Variants in SLCO3A1 observed in about 807,000 individuals in gnomAD.
SLCO3A1 encodes the protein PGE1 transporter.
SLCO3A1 carries 27 observed loss-of-function variants against 63.1 expected under a neutral mutation model. That is an observed-to-expected ratio of 0.43 (90% CI 0.32 to 0.59). The LOEUF (loss-of-function observed/expected upper bound fraction) is 0.59, where lower values mean the gene tolerates loss of function less well. Ranked by LOEUF, SLCO3A1 falls within the 20% of genes least tolerant of loss-of-function variation. The pLI is 0.09. For missense variants in SLCO3A1, 773 were observed against 945.8 expected, an observed-to-expected ratio of 0.82 and a Z score of 2.40; for synonymous variants, 473 against 409.9, an observed-to-expected ratio of 1.15 and a Z score of -1.86.
chr15:91,951,128 T>C (rs1899982501), intron 2 of SLCO3A1, among the ~76,000 whole-genome samples: 1 of 152,148 alleles, frequency 6.6e-6, no homozygotes, highest in South Asian at 2.1e-4. Context: ...TCCTGTGGTT[T>C]TTAGTATATT....
chr15:91,920,890 G>A (rs1047071534), intron 2 of SLCO3A1, among the ~76,000 whole-genome samples: 4 of 152,068 alleles, frequency 2.6e-5, no homozygotes, highest in Non-Finnish European at 4.4e-5. Context: ...TTAGCTCTTC[G>A]GAGCTAAGAC....
rs1385743067 is a variant in SLCO3A1, at chr15:92,016,728, A to G, written c.647-78153A>G. 4.6e-5 allele frequency among the ~76,000 whole-genome samples: 7 copies of G among 152,218 alleles called. No individual in the cohort carries two copies. The South Asian group carries it at 8.3e-4, about 18-fold the overall frequency. ...AGCAAGGATGGATGGGACATGAGGA[A>G]GAAGACCACAAAGACAGGGGGAGTG... is the stretch of plus-strand genomic sequence containing the variant. On this transcript the variant is annotated intron_variant, in intron 2 of 9. Coordinates refer to ENST00000318445, the MANE Select transcript of SLCO3A1 (RefSeq NM_013272.4).
intron 2 of SLCO3A1, among the ~76,000 whole-genome samples, chr15:92,070,416 G>A (rs148191720): frequency 8.5e-4 from 130 of 152,316 alleles, no homozygotes; most frequent in Non-Finnish European, 1.5e-3. Context: ...GCCAAGGTGG[G>A]CAGATCACCT....
In SLCO3A1 at chr15:91,853,876, AGCGGCGGCGGCG is replaced by A. The variant is rs368016879; in HGVS notation, c.-19_-8del. 3,210 of 1,294,742 alleles carry A rather than the reference AGCGGCGGCGGCG, an allele frequency of 2.5e-3. 151 individuals carry two copies. The East Asian group carries it at 0.088, about 36-fold the overall frequency. The allele number at this position is 1,294,742 out of a possible 1,614,324, so 80.2% of individuals were successfully genotyped here. A position where few individuals can be genotyped will look rare whatever the true frequency, so the allele number is the denominator to read the frequency against. On this transcript the variant is annotated 5_prime_UTR_variant, in exon 1 of 10. Coordinates refer to ENST00000318445, the MANE Select transcript of SLCO3A1 (RefSeq NM_013272.4). Reference sequence around the variant, plus strand: ...CACCCGGGGCGAGCGGGAAAGCGGCAGCGGCGGCGGCGGCGGCGGCGGCGGGGGAAGGATGCA... The same window carrying A: ...CACCCGGGGCGAGCGGGAAAGCGGCAGCGGCGGCGGCGGGGGAAGGATGCA...
chr15:91,904,675 G>A (rs1348801894), intron 1 of SLCO3A1, among the ~76,000 whole-genome samples: 4 of 152,144 alleles, frequency 2.6e-5, no homozygotes, highest in East Asian at 1.9e-4. Context: ...CTTATGGTTC[G>A]TGGTTGTTTT....
At chr15:92,124,231 T>A (rs999694060) in intron 5 of SLCO3A1, among the ~76,000 whole-genome samples, 3 of 152,094 alleles carry the variant, frequency 2.0e-5, no homozygotes, top group Admixed American at 1.3e-4. Context: ...TGAGTGAAGA[T>A]AAAAAGGACT....
At chr15:92,060,549 G>A (rs1382082569) in intron 2 of SLCO3A1, among the ~76,000 whole-genome samples, 1 of 151,940 alleles carries the variant, frequency 6.6e-6, no homozygotes, top group Non-Finnish European at 1.5e-5. Flanking sequence ...ACCCAGGCTG[G>A]AGTGCAGTGG....
At position 92,052,981 on chromosome 15, in the gene SLCO3A1, G is replaced by A. The variant is rs112669865; in HGVS notation, c.647-41900G>A. On this transcript the variant is annotated intron_variant, in intron 2 of 9. Coordinates refer to ENST00000318445, the MANE Select transcript of SLCO3A1 (RefSeq NM_013272.4). Reference sequence around the variant, plus strand: ...AGGTGACCCACATTATACTTTTGCTGGACAGTGCGGCTCTAGAACTTTCCA... The same window carrying A: ...AGGTGACCCACATTATACTTTTGCTAGACAGTGCGGCTCTAGAACTTTCCA... 4.5e-3 allele frequency among the ~76,000 whole-genome samples: 692 copies of A among 152,206 alleles called. 5 individuals carry two copies. The highest frequency in any genetic ancestry group is 0.016 in the African/African-American group (650 of 41,516).
intron 2 of SLCO3A1, among the ~76,000 whole-genome samples, chr15:92,032,094 T>C (rs1033964878): frequency 1.3e-5 from 2 of 152,226 alleles, no homozygotes; most frequent in African/African-American, 4.8e-5. Flanking sequence ...CCCTCATTCT[T>C]GGACCACTGT....
chr15:92,147,616 C>T (rs2048245371), intron 8 of SLCO3A1, among the ~76,000 whole-genome samples: 1 of 152,190 alleles, frequency 6.6e-6, no homozygotes, highest in South Asian at 2.1e-4. Context: ...GCAGGACCCA[C>T]TGAGACCATG....
chr15:92,007,751 G>A (rs1056422390), intron 2 of SLCO3A1, among the ~76,000 whole-genome samples: 1 of 152,014 alleles, frequency 6.6e-6, no homozygotes, highest in African/African-American at 2.4e-5. Context: ...GTAAGTTTTG[G>A]GGCATCATGC....
chr15:92,049,263 C>T (rs909433525), intron 2 of SLCO3A1, among the ~76,000 whole-genome samples: 3 of 152,188 alleles, frequency 2.0e-5, no homozygotes, highest in Non-Finnish European at 4.4e-5. Flanking sequence ...GCCCCAGCCC[C>T]CAACCTTATT....
chr15:91,866,302 G>A (rs577935580), intron 1 of SLCO3A1, among the ~76,000 whole-genome samples: 17 of 152,318 alleles, frequency 1.1e-4, no homozygotes, highest in Non-Finnish European at 2.2e-4. Context: ...ACTCATCCAT[G>A]TTCCCATCCC....
chr15:92,015,425 A>T (rs948269110), intron 2 of SLCO3A1, among the ~76,000 whole-genome samples: 2 of 152,052 alleles, frequency 1.3e-5, no homozygotes, highest in African/African-American at 4.8e-5. Flanking sequence ...GCCCAGGGGG[A>T]ACTGCCACTT....
At chr15:92,136,259 A>G (rs746994921) in intron 7 of SLCO3A1, among the ~76,000 whole-genome samples, 1 of 152,244 alleles carries the variant, frequency 6.6e-6, no homozygotes, top group Non-Finnish European at 1.5e-5. Flanking sequence ...CAATCCTCTT[A>G]GAAAAATAAT....
intron 3 of SLCO3A1, chr15:92,098,324 G>T (rs960146957): frequency 2.0e-5 from 3 of 152,338 alleles, no homozygotes; most frequent in African/African-American, 4.8e-5. Context: ...GGTCCCAGCT[G>T]GCTCCACTTG....
rs147931127 is a variant in SLCO3A1, at chr15:91,944,731, C to T, written c.646+28273C>T. Among the ~76,000 whole-genome samples the T allele has an allele frequency of 1.7e-3, 256 of 151,988 alleles. 5 individuals carry two copies. The East Asian group carries it at 0.043, about 26-fold the overall frequency. On this transcript the variant is annotated intron_variant, in intron 2 of 9. Transcript: ENST00000318445. ...GAGTTCTGAACATCTGAGTCTTTCA[C>T]GAAGGAATGTGGAGAAATCGAGGGG...
chr15:92,079,819 C>T (rs1455005290), intron 2 of SLCO3A1, among the ~76,000 whole-genome samples: 2 of 152,262 alleles, frequency 1.3e-5, no homozygotes, highest in South Asian at 4.1e-4. Flanking sequence ...CTGAACTAGA[C>T]ACAAGGTCCT....
At chr15:92,088,236 C>T (rs978394924) in intron 2 of SLCO3A1, among the ~76,000 whole-genome samples, 1 of 152,190 alleles carries the variant, frequency 6.6e-6, no homozygotes, top group African/African-American at 2.4e-5. Context: ...TCCATCAGCA[C>T]TGGGGCGAAA....
Sources: gnomAD v4.1 joint callset for allele counts (sites outside exome capture counted in the v4.1 genomes callset) on GRCh38, gnomAD v4.1.1 for gene constraint, MANE v1.5 for transcripts, NCBI Gene and HGNC (gene_info 2026-07-23, HGNC 2026-07-21) for gene names.